PFKFB4: variants seen among roughly 807,000 people sequenced by gnomAD.
PFKFB4 encodes the protein 6-phosphofructo-2-kinase/fructose-2,6-biphosphatase 4.
Under a neutral mutation model 62.8 loss-of-function variants are expected in PFKFB4, and 42 were observed. The observed-to-expected ratio is 0.67, with a 90% CI of 0.52 to 0.86. The LOEUF is 0.86. Among genes scored for constraint, PFKFB4 ranks in the 40% least tolerant of loss-of-function variants. The pLI is 0.00. For missense variants in PFKFB4, 475 were observed against 627.2 expected (o/e 0.76, Z 2.59); for synonymous variants, 204 against 240.7 (o/e 0.85, Z 1.41).
chr3:48,558,948 C>T (rs1353733344), upstream of PFKFB4, among the ~76,000 whole-genome samples: 1 of 152,216 alleles, frequency 6.6e-6, no homozygotes, highest in Admixed American at 6.5e-5. Context: ...TACCACATGC[C>T]CACACCCTGT....
chr3:48,536,184 C>A, intron 8 of PFKFB4, 72 bp downstream of exon 8: 3 of 1,348,900 alleles, frequency 2.2e-6, no homozygotes, highest in Admixed American at 1.8e-5. Context: ...AGCGCACTCA[C>A]ACATGCATAT....
upstream of PFKFB4, among the ~76,000 whole-genome samples, chr3:48,560,027 C>T (rs535476204): frequency 3.3e-5 from 5 of 152,020 alleles, no homozygotes; most frequent in East Asian, 3.9e-4. Context: ...TGGCCTCAAG[C>T]GATCCTCCCG....
chr3:48,539,913 A>C (rs1575382310), intron 4 of PFKFB4, 142 bp from the exon 5 acceptor site: 38 of 678,750 alleles, frequency 5.6e-5, no homozygotes. Context: ...TGCCAGGTCC[A>C]CCTGCCTGGC....
At chr3:48,561,079 C>A (rs528646407), upstream of PFKFB4, 1 of 1,283,646 alleles carries the variant, frequency 7.8e-7, no homozygotes, top group Non-Finnish European at 1.0e-6. This position sits in a 1 kb window ranked among gnomAD's most constrained non-coding sequence, Gnocchi z 5.2. Flanking sequence ...GGCCCCAGGT[C>A]GGTCAGGGAG....
rs746491915 is a variant in PFKFB4 at position 48,538,538 on chromosome 3, A to G, written c.592T>C (p.Tyr198His). 65 of 1,614,070 alleles carry G rather than the reference A, an allele frequency of 4.0e-5. No homozygotes were observed. Among genetic ancestry groups the G allele is most frequent in the Non-Finnish European group, 5.4e-5 (64 of 1,180,044 alleles). The change falls in exon 7 of 14, where the codon TAT becomes CAT. Residue 198 changes from tyrosine to histidine, a missense_variant. By Grantham distance (83) the Tyr-to-His change is moderately conservative. Coordinates refer to ENST00000232375, the MANE Select transcript of PFKFB4 (RefSeq NM_004567.4). The part of the protein sequence containing the change: ...TEDFMRRIEC[Y>H]ENSYESLDED... ...TCTAGCGACTCGTAGGAGTTCTCAT[A>G]GCACTCAATGCGCCTCATGAAGTCC...
At chr3:48,539,130 C>G (rs757016213) in intron 6 of PFKFB4, 124 bp downstream of exon 6, 40 of 765,154 alleles carry the variant, frequency 5.2e-5, no homozygotes, top group Non-Finnish European at 8.8e-5. Flanking sequence ...CCTGACCCAG[C>G]ATTTGAAGTT....
intron 9 of PFKFB4, 70 bp downstream of exon 9, chr3:48,535,442 G>A (rs1560162019): frequency 2.9e-6 from 4 of 1,357,960 alleles, no homozygotes; most frequent in East Asian, 4.6e-5. Context: ...AATGGTCACT[G>A]TTGTTACAAT....
chr3:48,550,436 G>A (rs2043105287), intron 1 of PFKFB4, among the ~76,000 whole-genome samples: 1 of 152,124 alleles, frequency 6.6e-6, no homozygotes, highest in African/African-American at 2.4e-5. Context: ...CCTTCCCCAG[G>A]CCCGCCTGGG....
In PFKFB4 at chr3:48,523,536, C is replaced by T. The variant is rs2042161131; in HGVS notation, c.1285+1G>A. 6.2e-7 allele frequency: 1 copy of T among 1,613,622 alleles called. No individual in the cohort carries two copies. Among genetic ancestry groups the T allele is most frequent in the Non-Finnish European group, 8.5e-7 (1 of 1,179,742 alleles). ...GGTCAATGTGCAGGAAGCTTCCTTA[C>T]CATATGCCACAGGAGTCAGCTTCAG... On this transcript the variant is annotated splice_donor_variant, in intron 12 of 13. Coordinates refer to ENST00000232375, the MANE Select transcript of PFKFB4 (RefSeq NM_004567.4). LOFTEE classifies it high-confidence loss of function.
At chr3:48,561,035 C>T (rs995260120), upstream of PFKFB4, 135 of 1,266,794 alleles carry the variant, frequency 1.1e-4, no homozygotes, top group African/African-American at 2.4e-4. The surrounding 1 kb of genome is among the most constrained non-coding windows in gnomAD (Gnocchi z 5.2). Flanking sequence ...ACCCTCCCCA[C>T]GCTGTCCCGT....
At chr3:48,552,153 C>A (rs553989399) in intron 1 of PFKFB4, among the ~76,000 whole-genome samples, 56 of 152,170 alleles carry the variant, frequency 3.7e-4, no homozygotes, top group Non-Finnish European at 6.6e-4. Context: ...GCCTCGGTGT[C>A]CCCAGCTGTA....
upstream of PFKFB4, among the ~76,000 whole-genome samples, chr3:48,557,352 T>C (rs539093033): frequency 1.3e-5 from 2 of 152,164 alleles, no homozygotes; most frequent in Non-Finnish European, 2.9e-5. Flanking sequence ...AGCCGTCAAC[T>C]CCGCTGCGCC....
chr3:48,547,385 G>A (rs1014941303), intron 3 of PFKFB4, among the ~76,000 whole-genome samples: 3 of 152,096 alleles, frequency 2.0e-5, no homozygotes, highest in Admixed American at 6.5e-5. Flanking sequence ...ATGTGCCCAC[G>A]TGTGTGTGTG....
intron 9 of PFKFB4, among the ~76,000 whole-genome samples, chr3:48,531,685 C>T (rs930122965): frequency 6.6e-6 from 1 of 151,706 alleles, no homozygotes; most frequent in Non-Finnish European, 1.5e-5. Flanking sequence ...CCTAGCTACT[C>T]GGGAGGCTAA....
chr3:48,561,210 G>T, upstream of PFKFB4: 1 of 604,780 alleles, frequency 1.7e-6, no homozygotes, highest in Non-Finnish European at 2.4e-6. This position sits in a 1 kb window ranked among gnomAD's most constrained non-coding sequence, Gnocchi z 5.2. Context: ...GACTCCTGCG[G>T]CTCCTGCAGC....
At chr3:48,534,171 G>C (rs1448188219) in intron 9 of PFKFB4, among the ~76,000 whole-genome samples, 1 of 152,006 alleles carries the variant, frequency 6.6e-6, no homozygotes. Context: ...CTAAATTAAA[G>C]CTCGGAAGGA....
At chr3:48,549,382 C>T (rs912126772) in intron 3 of PFKFB4, among the ~76,000 whole-genome samples, 1 of 152,142 alleles carries the variant, frequency 6.6e-6, no homozygotes, top group Admixed American at 6.5e-5. Flanking sequence ...GGAAGCCCCC[C>T]ACCCCCAGCT....
At chr3:48,554,079 C>T (rs1430508596) in intron 1 of PFKFB4, among the ~76,000 whole-genome samples, 1 of 152,088 alleles carries the variant, frequency 6.6e-6, no homozygotes, top group Non-Finnish European at 1.5e-5. Context: ...GGAGGAGGTG[C>T]AGTACATCCC....
At position 48,535,570 on chromosome 3, in the gene PFKFB4, G is replaced by A. The variant is rs759675606; in HGVS notation, c.929C>T (p.Thr310Met). ...ATAGGGCACACCCAGTGCCTCAGCC[G>A]TCTGGATTGTCCTCTTCATCTGGCT... ...WTSQMKRTIQ[T>M]AEALGVPYEQ... The change falls in exon 9 of 14, where the codon ACG (threonine) becomes ATG (methionine). Residue 310 changes from threonine (T) to methionine (M), a missense_variant. Coordinates refer to ENST00000232375, the MANE Select transcript of PFKFB4 (RefSeq NM_004567.4). 1.6e-5 allele frequency: 26 copies of A among 1,614,062 alleles called. No homozygotes were observed. Among genetic ancestry groups the A allele is most frequent in the East Asian group, 6.7e-5 (3 of 44,890 alleles).
Sources: allele counts gnomAD v4.1 joint callset (sites outside exome capture counted in the v4.1 genomes callset), GRCh38; gene constraint gnomAD v4.1.1; non-coding constraint Gnocchi (gnomAD v3.1); transcripts MANE v1.5; gene names NCBI Gene and HGNC (gene_info 2026-07-23, HGNC 2026-07-21).